Variants in PDLIM4 observed in about 807,000 individuals in gnomAD.
The protein encoded by PDLIM4 is PDZ and LIM domain 4.
Under a neutral mutation model 31.3 loss-of-function variants are expected in PDLIM4, and 19 were observed. The ratio of observed to expected loss-of-function variants is 0.61; its 90% CI spans 0.42 to 0.89. The LOEUF (loss-of-function observed/expected upper bound fraction) is 0.89, where lower values mean the gene tolerates loss of function less well. Among genes scored for constraint, PDLIM4 ranks in the 40% least tolerant of loss-of-function variants. PDLIM4 has a pLI of 0.00. For missense variants in PDLIM4, 442 were observed against 461.1 expected, an observed-to-expected ratio of 0.96 and a Z score of 0.38; for synonymous variants, 176 against 190.1, an observed-to-expected ratio of 0.93 and a Z score of 0.61.
At chr5:132,268,761 C>T (rs1032422282) in intron 3 of PDLIM4, among the ~76,000 whole-genome samples, 1 of 152,182 alleles carries the variant, frequency 6.6e-6, no homozygotes, top group Admixed American at 6.5e-5. Flanking sequence ...ATGGCACCTG[C>T]TCATCTGGAC....
In PDLIM4 at chr5:132,266,537, G is replaced by C; in HGVS notation, c.319G>C (p.Glu107Gln). 6.2e-7 allele frequency: 1 copy of C among 1,611,696 alleles called. No homozygotes were observed. Among genetic ancestry groups the C allele is most frequent in the Non-Finnish European group, 8.5e-7 (1 of 1,178,140 alleles). ...GGCACACAGGATCCACATCGATCCT[G>C]AGATCCAGGTATGTACAGACACTGC... ...AQAHRIHIDP[E>Q]IQDGSPTTSR... The change falls in exon 3 of 7, where the codon GAG becomes CAG. Residue 107 changes from glutamate to glutamine, a missense_variant. Physicochemically the swap from Glu to Gln is conservative, Grantham distance 29 (BLOSUM62 2). Coordinates refer to ENST00000253754, the MANE Select transcript of PDLIM4 (RefSeq NM_003687.4).
chr5:132,264,616 C>A (rs1324205029), intron 2 of PDLIM4, among the ~76,000 whole-genome samples: 1 of 152,156 alleles, frequency 6.6e-6, no homozygotes, highest in South Asian at 2.1e-4. Flanking sequence ...TCTGGGGGAT[C>A]AAGACATGAG....
chr5:132,270,617 G>A (rs1756583962), intron 3 of PDLIM4: 2 of 490,084 alleles, frequency 4.1e-6, no homozygotes, highest in South Asian at 5.5e-5. Flanking sequence ...CTTCCTGAGT[G>A]GTGGTGGGCA....
chr5:132,271,850 G>T lies in PDLIM4; in HGVS notation c.730G>T (p.Ala244Ser). ...NLKPTASKLGAPLSGLQGLPE... is the reference protein window; with the variant it reads ...NLKPTASKLGSPLSGLQGLPE... ...CAAGCCCACGGCCAGCAAGCTGGGC[G>T]CTCCGCTGAGCGGCCTGCAGGGGCT... Residue 244 changes from alanine to serine, a missense_variant, in exon 6 of 7, where the codon GCT (alanine) becomes TCT (serine). By Grantham distance (99) the Ala-to-Ser change is moderately conservative (BLOSUM62 1). Coordinates refer to ENST00000253754, the MANE Select transcript of PDLIM4 (RefSeq NM_003687.4). 1 of 1,612,370 alleles carries T rather than the reference G, an allele frequency of 6.2e-7. No homozygotes were observed. Among genetic ancestry groups the T allele is most frequent in the East Asian group, 2.2e-5 (1 of 44,866 alleles).
chr5:132,271,506 C>G, intron 5 of PDLIM4, 40 bp downstream of exon 5: 2 of 1,596,326 alleles, frequency 1.3e-6, no homozygotes, highest in Non-Finnish European at 1.7e-6. Context: ...CCTTCCCACT[C>G]CCTGCAGTGC....
chr5:132,260,575 G>A (rs865920186), intron 1 of PDLIM4, among the ~76,000 whole-genome samples: 1 of 152,146 alleles, frequency 6.6e-6, no homozygotes, highest in Non-Finnish European at 1.5e-5. Context: ...CCTTCTGCCT[G>A]GAACACTATC....
At chr5:132,267,312 G>A (rs930907124) in intron 3 of PDLIM4, among the ~76,000 whole-genome samples, 9 of 152,200 alleles carry the variant, frequency 5.9e-5, no homozygotes, top group Non-Finnish European at 2.9e-5. Flanking sequence ...TGAAAGAAAA[G>A]GGGCCAAGGC....
At position 132,257,754 on chromosome 5, in the gene PDLIM4, TGC is replaced by T; in HGVS notation, c.24_25del (p.Gly9AlafsTer46). 1 of 1,497,714 alleles carries T rather than the reference TGC, an allele frequency of 6.7e-7. No individual in the cohort carries two copies. Among genetic ancestry groups the T allele is most frequent in the Non-Finnish European group, 8.9e-7 (1 of 1,128,626 alleles). The allele number at this position is 1,497,714 out of a possible 1,614,324, so 92.8% of individuals were successfully genotyped here. On this transcript the variant is annotated frameshift_variant, in exon 1 of 7. Coordinates refer to ENST00000253754, the MANE Select transcript of PDLIM4 (RefSeq NM_003687.4). LOFTEE classifies it high-confidence loss of function. This position sits in a 1 kb window ranked among gnomAD's most constrained non-coding sequence, Gnocchi z 4.3. ...CCCGCGATGCCCCATTCCGTGACCC[TGC>T]GCGGGCCTTCGCCCTGGGGCTTCCG...
chr5:132,262,474 C>G (rs1756395081), intron 1 of PDLIM4, 135 bp from the exon 2 acceptor site: 1 of 747,680 alleles, frequency 1.3e-6, no homozygotes, highest in South Asian at 2.4e-5. Flanking sequence ...ACCAGCCACT[C>G]GGCTTGCCCA....
intron 5 of PDLIM4, 122 bp downstream of exon 5, chr5:132,271,588 C>A: frequency 8.9e-7 from 1 of 1,127,132 alleles, no homozygotes; most frequent in South Asian, 1.3e-5. Context: ...GCGGCCCGGT[C>A]CCACGCCCTT....
chr5:132,258,062 A>C (rs922973898), intron 1 of PDLIM4, among the ~76,000 whole-genome samples: 1 of 152,092 alleles, frequency 6.6e-6, no homozygotes, highest in Non-Finnish European at 1.5e-5. Context: ...GAGTTCACGC[A>C]CCCGCCTCCC....
intron 1 of PDLIM4, among the ~76,000 whole-genome samples, chr5:132,258,106 C>T (rs1319858808): frequency 6.6e-6 from 1 of 152,312 alleles, no homozygotes; most frequent in Non-Finnish European, 1.5e-5. Flanking sequence ...ACTGTGGACC[C>T]GGGAAGGACC....
In PDLIM4 at chr5:132,272,469, G is replaced by A. The variant is rs1233284168; in HGVS notation, c.*240G>A. ...GACGGGTACCATGCTGCCCTGAAGG[G>A]GGCCACAGCCTGGGTGGAAGGCAGA... is the stretch of plus-strand genomic sequence containing the variant. On this transcript the variant is annotated 3_prime_UTR_variant, in exon 7 of 7. Transcript: ENST00000253754. 1.8e-6 allele frequency: 1 copy of A among 560,570 alleles called. No homozygotes were observed. The highest frequency in any genetic ancestry group is 3.2e-6 in the Non-Finnish European group (1 of 310,520). 34.7% of individuals were successfully genotyped at this position (560,570 alleles called of 1,614,324 possible).
intron 3 of PDLIM4, chr5:132,266,799 G>T (rs1286920357): frequency 2.7e-6 from 1 of 376,894 alleles, no homozygotes; most frequent in African/African-American, 2.1e-5. Flanking sequence ...TGATGTCCAG[G>T]ATCTGGGCTA....
chr5:132,271,966 G>C (rs1002864280), intron 6 of PDLIM4, 58 bp downstream of exon 6: 48 of 1,593,354 alleles, frequency 3.0e-5, no homozygotes, highest in Non-Finnish European at 4.0e-5. Context: ...CCCTGGATGC[G>C]GGCGCAGTCG....
chr5:132,266,161 C>T (rs2126675952), intron 2 of PDLIM4, among the ~76,000 whole-genome samples: 1 of 152,344 alleles, frequency 6.6e-6, no homozygotes, highest in Non-Finnish European at 1.5e-5. Context: ...CTTCTGTAGG[C>T]CACGAAGAGG....
At chr5:132,264,959 C>T (rs910496924) in intron 2 of PDLIM4, among the ~76,000 whole-genome samples, 4 of 152,158 alleles carry the variant, frequency 2.6e-5, no homozygotes, top group African/African-American at 7.2e-5. Flanking sequence ...CCAGCTTCCC[C>T]ACTGGGCTTC....
At chr5:132,265,030 A>G (rs1451518272) in intron 2 of PDLIM4, among the ~76,000 whole-genome samples, 1 of 152,120 alleles carries the variant, frequency 6.6e-6, no homozygotes, top group African/African-American at 2.4e-5. Flanking sequence ...CTTCCTGGGC[A>G]TGTTCTATAG....
At chr5:132,268,599 T>C (rs778543887) in intron 3 of PDLIM4, among the ~76,000 whole-genome samples, 1 of 152,204 alleles carries the variant, frequency 6.6e-6, no homozygotes, top group African/African-American at 2.4e-5. Context: ...CTTATTACTA[T>C]CCTTCTGGGT....
Sources: allele counts gnomAD v4.1 joint callset (sites outside exome capture counted in the v4.1 genomes callset), GRCh38; gene constraint gnomAD v4.1.1; non-coding constraint Gnocchi (gnomAD v3.1); transcripts MANE v1.5; gene names NCBI Gene and HGNC (gene_info 2026-07-23, HGNC 2026-07-21).